ADAMTSL3: variants seen among roughly 807,000 people sequenced by gnomAD.
ADAMTSL3 encodes the protein ADAMTS like 3.
Under a neutral mutation model 201.7 loss-of-function variants are expected in ADAMTSL3, and 128 were observed. The ratio of observed to expected loss-of-function variants is 0.63; its 90% confidence interval spans 0.55 to 0.73. The LOEUF (loss-of-function observed/expected upper bound fraction) is 0.73, where lower values mean the gene tolerates loss of function less well. ADAMTSL3 is among the 30% of genes least tolerant of loss of function. The pLI, the probability that ADAMTSL3 is intolerant of heterozygous loss-of-function variation, is 0.00. For missense variants in ADAMTSL3, 1,990 were observed against 2,119.6 expected, an observed-to-expected ratio of 0.94 and a Z score of 1.20; for synonymous variants, 738 against 748.4, an observed-to-expected ratio of 0.99 and a Z score of 0.23.
chr15:83,697,528 G>A (rs1398542684), intron 2 of ADAMTSL3, among the ~76,000 whole-genome samples: 2 of 152,180 alleles, frequency 1.3e-5, no homozygotes, highest in African/African-American at 2.4e-5. Flanking sequence ...CCTTGGCTTT[G>A]ACTAATTTGC....
chr15:83,740,632 G>A (rs1003498594), intron 3 of ADAMTSL3, among the ~76,000 whole-genome samples: 1 of 152,048 alleles, frequency 6.6e-6, no homozygotes, highest in Admixed American at 6.6e-5. Flanking sequence ...GAATAAAAAA[G>A]ATGCAATAGA....
chr15:83,924,779 C>T (rs1460258733), intron 17 of ADAMTSL3, among the ~76,000 whole-genome samples: 3 of 152,140 alleles, frequency 2.0e-5, no homozygotes, highest in African/African-American at 7.2e-5. Flanking sequence ...CCAGTCTTTT[C>T]CTTTCTCTCT....
chr15:83,970,568 A>G lies in ADAMTSL3; in HGVS notation c.2575A>G (p.Ser859Gly), dbSNP rs1344455687. 2.0e-5 allele frequency: 32 copies of G among 1,614,078 alleles called. No homozygotes were observed. Among genetic ancestry groups the G allele is most frequent in the Non-Finnish European group, 2.6e-5 (31 of 1,180,020 alleles). The change falls in exon 20 of 30, where the codon AGT (serine) becomes GGT (glycine). Residue 859 changes from serine (S) to glycine (G), a missense_variant. Coordinates refer to ENST00000286744, the MANE Select transcript of ADAMTSL3 (RefSeq NM_207517.3). ...LAAKGRRIPL[S>G]EMMCRDLPGL... Reference sequence around the variant, plus strand: ...AGCCAAAGGTCGGCGCATCCCCCTCAGTGAGATGATGTGCAGGGATCTACC... The same window carrying G: ...AGCCAAAGGTCGGCGCATCCCCCTCGGTGAGATGATGTGCAGGGATCTACC...
intron 4 of ADAMTSL3, among the ~76,000 whole-genome samples, chr15:83,797,494 G>A (rs1410015885): frequency 1.3e-5 from 2 of 151,952 alleles, no homozygotes; most frequent in Admixed American, 1.3e-4. Flanking sequence ...CCAGCTACTC[G>A]GAAGGCTGAG....
chr15:84,023,655 C>T (rs976202239), intron 26 of ADAMTSL3, among the ~76,000 whole-genome samples: 19 of 152,150 alleles, frequency 1.2e-4, no homozygotes, highest in African/African-American at 3.9e-4. Context: ...ATTTTCAAAA[C>T]GCGGAGAGAA....
At chr15:84,037,039 A>G in intron 29 of ADAMTSL3, 52 bp downstream of exon 29, 4 of 1,565,108 alleles carry the variant, frequency 2.6e-6, no homozygotes, top group Non-Finnish European at 3.5e-6. Context: ...TGATGGCATC[A>G]GATCCTGATG....
intron 5 of ADAMTSL3, among the ~76,000 whole-genome samples, chr15:83,814,034 C>T (rs2063735517): frequency 6.6e-6 from 1 of 152,102 alleles, no homozygotes; most frequent in Admixed American, 6.5e-5. Flanking sequence ...GTGGCATGAA[C>T]ACATTTTTAT....
At position 83,946,934 on chromosome 15, in the gene ADAMTSL3, C is replaced by G. The variant is rs532564361; in HGVS notation, c.2490+3852C>G. ...GCCCCTATCTGGGAGGAAGGGCAAG[C>G]GTATATACACGCACAAGAAAACAGA... On this transcript the variant is annotated intron_variant, in intron 19 of 29. Transcript: ENST00000286744. Among the ~76,000 whole-genome samples, 13 of 152,242 alleles carry G rather than the reference C, an allele frequency of 8.5e-5. No homozygotes were observed. The South Asian group carries it at 2.5e-3, about 29-fold the overall frequency.
intron 2 of ADAMTSL3, among the ~76,000 whole-genome samples, chr15:83,682,134 T>C (rs544769886): frequency 2.6e-4 from 39 of 152,288 alleles, no homozygotes; most frequent in Admixed American, 1.5e-3. Context: ...TCTGTGACCC[T>C]GGGAGAGGGC....
chr15:83,892,949 A>G lies in ADAMTSL3; in HGVS notation c.1467+61A>G, dbSNP rs1408213849. ...TCATATTTTAAGGGATATTTTCTAT[A>G]TGCCCACCATGGTGCTAGACAGCAT... On this transcript the variant is annotated intron_variant, in intron 13 of 29. Transcript: ENST00000286744. 23 of 1,492,792 alleles carry G rather than the reference A, an allele frequency of 1.5e-5. No homozygotes were observed. The Admixed American group carries it at 3.1e-4, about 20-fold the overall frequency. The allele number at this position is 1,492,792 out of a possible 1,614,324, so 92.5% of individuals were successfully genotyped here.
chr15:83,851,377 G>A (rs1348696444), intron 7 of ADAMTSL3, among the ~76,000 whole-genome samples: 1 of 151,852 alleles, frequency 6.6e-6, no homozygotes, highest in Non-Finnish European at 1.5e-5. Flanking sequence ...CAACTGCAAG[G>A]GATTTGATTT....
At chr15:83,757,956 C>T (rs1411272139) in intron 3 of ADAMTSL3, among the ~76,000 whole-genome samples, 1 of 152,206 alleles carries the variant, frequency 6.6e-6, no homozygotes, top group Non-Finnish European at 1.5e-5. Context: ...CTATCTGAGA[C>T]CACATCAGCC....
intron 14 of ADAMTSL3, 54 bp from the exon 15 acceptor site, chr15:83,899,593 C>G: frequency 6.5e-7 from 1 of 1,541,980 alleles, no homozygotes; most frequent in Non-Finnish European, 8.8e-7. Flanking sequence ...ACCTATCCAA[C>G]TCCTTAATGA....
At chr15:83,699,253 T>C (rs2061732868) in intron 2 of ADAMTSL3, among the ~76,000 whole-genome samples, 1 of 152,088 alleles carries the variant, frequency 6.6e-6, no homozygotes, top group Non-Finnish European at 1.5e-5. Flanking sequence ...TATGGACACC[T>C]CCAACTTAAC....
intron 4 of ADAMTSL3, among the ~76,000 whole-genome samples, chr15:83,782,840 A>G (rs2063194644): frequency 6.6e-6 from 1 of 151,758 alleles, no homozygotes; most frequent in Non-Finnish European, 1.5e-5. Context: ...GTTTACCTAT[A>G]TAACAAGCCT....
intron 2 of ADAMTSL3, among the ~76,000 whole-genome samples, chr15:83,670,018 G>A (rs1246577749): frequency 6.6e-6 from 1 of 151,742 alleles, no homozygotes; most frequent in Non-Finnish European, 1.5e-5. Context: ...AGCACTTTGG[G>A]AGGCCAAGGC....
At chr15:83,919,262 G>A (rs1048629029) in intron 16 of ADAMTSL3, among the ~76,000 whole-genome samples, 2 of 152,130 alleles carry the variant, frequency 1.3e-5, no homozygotes, top group African/African-American at 4.8e-5. Context: ...ATACCTATGA[G>A]GAGTGCAGAG....
chr15:83,978,831 C>T (rs2067335429), intron 20 of ADAMTSL3, among the ~76,000 whole-genome samples: 2 of 152,240 alleles, frequency 1.3e-5, no homozygotes, highest in African/African-American at 4.8e-5. Context: ...GCCTGCCTTC[C>T]AGTAAATGGG....
At chr15:83,920,071 T>C (rs947781726) in intron 16 of ADAMTSL3, among the ~76,000 whole-genome samples, 2 of 152,218 alleles carry the variant, frequency 1.3e-5, no homozygotes, top group East Asian at 3.8e-4. Flanking sequence ...ATTTAAGATA[T>C]ATATATGTAT....
Sources: gnomAD v4.1 joint callset for allele counts (sites outside exome capture counted in the v4.1 genomes callset) on GRCh38, gnomAD v4.1.1 for gene constraint, MANE v1.5 for transcripts, NCBI Gene and HGNC (gene_info 2026-07-23, HGNC 2026-07-21) for gene names.